PCDHA3: variants seen among roughly 807,000 people sequenced by gnomAD.
The protein encoded by PCDHA3 is protocadherin alpha-3.
Under a neutral mutation model 62.2 loss-of-function variants are expected in PCDHA3, and 41 were observed. That is an observed-to-expected ratio of 0.66 (90% CI 0.51 to 0.86). The LOEUF (loss-of-function observed/expected upper bound fraction) is 0.86, where lower values mean the gene tolerates loss of function less well. PCDHA3 is among the 40% of genes least tolerant of loss of function. The probability of loss-of-function intolerance (pLI) is 0.00; values close to 1 mark genes in which losing one functional copy is unlikely to be tolerated. For synonymous variants in PCDHA3, 640 were observed against 555.4 expected (o/e 1.15, Z -2.14); for missense variants, 1,304 against 1,241.2 (o/e 1.05, Z -0.76).
chr5:140,828,869 A>T, intron 1 of PCDHA3: 1 of 1,614,256 alleles, frequency 6.2e-7, no homozygotes, highest in Non-Finnish European at 8.5e-7. Flanking sequence ...CAACGGAACA[A>T]CAGTTATCAG....
chr5:140,862,447 G>C, intron 1 of PCDHA3: 1 of 362,296 alleles, frequency 2.8e-6, no homozygotes, highest in Non-Finnish European at 5.5e-6. Flanking sequence ...GTACTCCACA[G>C]CGCCCTGGAC....
intron 1 of PCDHA3, chr5:140,850,332 C>T (rs1349532162): frequency 1.3e-6 from 2 of 1,597,432 alleles, no homozygotes; most frequent in Admixed American, 1.7e-5. Context: ...CGAGCTGCAG[C>T]CAGAAACGGC....
chr5:140,809,344 C>T, intron 1 of PCDHA3: 1 of 1,614,082 alleles, frequency 6.2e-7, no homozygotes, highest in Non-Finnish European at 8.5e-7. Context: ...TGCTGTACAC[C>T]GCGCTGCGGT....
At chr5:140,823,217 C>T (rs1554129201) in intron 1 of PCDHA3, 1 of 1,613,776 alleles carries the variant, frequency 6.2e-7, no homozygotes, top group Non-Finnish European at 8.5e-7. Flanking sequence ...GCACGGGACG[C>T]GGACGCGCAG....
chr5:141,010,226 C>G lies in PCDHA3; in HGVS notation c.*289C>G, dbSNP rs1386050566. The G allele has an allele frequency of 1.3e-6, 2 of 1,551,706 alleles. No individual in the cohort carries two copies. Among genetic ancestry groups the G allele is most frequent in the Non-Finnish European group, 1.7e-6 (2 of 1,147,032 alleles). ...CGCCGCAAAGGAGAGGCTTCCCAGC[C>G]CCGCCAGTGAGAGGTTGGACTCTCT... On this transcript the variant is annotated 3_prime_UTR_variant, in exon 4 of 4. Coordinates refer to ENST00000522353, the MANE Select transcript of PCDHA3 (RefSeq NM_018906.3).
intron 1 of PCDHA3, among the ~76,000 whole-genome samples, chr5:140,971,325 T>C (rs1273585971): frequency 3.9e-5 from 6 of 152,190 alleles, no homozygotes; most frequent in African/African-American, 1.4e-4. Context: ...AGGGAGAAAA[T>C]TATTTCAGAA....
intron 3 of PCDHA3, among the ~76,000 whole-genome samples, chr5:140,985,992 G>A (rs1173402846): frequency 3.3e-5 from 5 of 152,068 alleles, no homozygotes; most frequent in African/African-American, 4.8e-5. Context: ...GCCCACCTCA[G>A]CCTCCCAAAG....
Position 140,802,873 on chromosome 5 carries a change from A to G in PCDHA3, c.1676A>G (p.Asn559Ser), listed in dbSNP as rs1554122424. The change falls in exon 1 of 4, where the codon AAC becomes AGC. Residue 559 changes from asparagine (N) to serine (S), a missense_variant. By Grantham distance (46) the Asn-to-Ser change is conservative. Coordinates refer to ENST00000522353, the MANE Select transcript of PCDHA3 (RefSeq NM_018906.3). ...CTGCAGGTGTTCGTGCTGGACGAGA[A>G]CGACAACGCGCCGGCACTGCTGATG... ...VTLQVFVLDE[N>S]DNAPALLMPR... 7.4e-6 allele frequency: 12 copies of G among 1,613,654 alleles called. No individual in the cohort carries two copies. Among genetic ancestry groups the G allele is most frequent in the Non-Finnish European group, 8.5e-7 (1 of 1,179,916 alleles).
Position 140,801,685 on chromosome 5 carries a change from G to C in PCDHA3, c.488G>C (p.Gly163Ala). 1 of 1,614,202 alleles carries C rather than the reference G, an allele frequency of 6.2e-7. No homozygotes were observed. The highest frequency in any genetic ancestry group is 8.5e-7 in the Non-Finnish European group (1 of 1,180,040). ...GAGGGCGCATCAGATGCAGATATCG[G>C]AACAAATTCGTTGTTGACTTACAGT... ...SLEGASDADI[G>A]TNSLLTYSLD... The change falls in exon 1 of 4, where the codon GGA becomes GCA. Residue 163 changes from glycine to alanine, a missense_variant. Transcript: ENST00000522353.
intron 1 of PCDHA3, among the ~76,000 whole-genome samples, chr5:140,840,645 G>A (rs1346934445): frequency 2.6e-5 from 4 of 152,068 alleles, no homozygotes; most frequent in Middle Eastern, 3.4e-3. Context: ...TAGAGAAATA[G>A]TGTAAAGAAT....
chr5:140,988,411 A>G (rs2097296392), intron 3 of PCDHA3, among the ~76,000 whole-genome samples: 1 of 152,144 alleles, frequency 6.6e-6, no homozygotes, highest in South Asian at 2.1e-4. Context: ...TTCGCAGCTT[A>G]TGTAAAGAAT....
chr5:140,845,591 A>G (rs1416942970), intron 1 of PCDHA3, among the ~76,000 whole-genome samples: 2 of 149,444 alleles, frequency 1.3e-5, no homozygotes, highest in African/African-American at 4.9e-5. Context: ...AATGTGTCAG[A>G]AGTTAGTTAT....
At position 140,807,822 on chromosome 5, in the gene PCDHA3, T is replaced by C. The variant is rs781816070; in HGVS notation, c.2394+4231T>C. On this transcript the variant is annotated intron_variant, in intron 1 of 3. Transcript: ENST00000522353. ...GAAGCTCCGGAGATTTTTTTAGTGC[T>C]CACAGCCACTGATGGAGGCAAACCC... is the stretch of plus-strand genomic sequence containing the variant. The C allele has an allele frequency of 7.4e-6, 12 of 1,614,038 alleles. No individual in the cohort carries two copies. The East Asian group carries it at 2.7e-4, about 36-fold the overall frequency.
In PCDHA3 at chr5:141,010,181, C is replaced by G; in HGVS notation, c.*244C>G. The G allele has an allele frequency of 2.6e-6, 4 of 1,554,386 alleles. No individual in the cohort carries two copies. Among genetic ancestry groups the G allele is most frequent in the Non-Finnish European group, 3.5e-6 (4 of 1,148,120 alleles). On this transcript the variant is annotated 3_prime_UTR_variant, in exon 4 of 4. Transcript: ENST00000522353. ...TTGTTTTCAGAACCTAAAAAGCAGA[C>G]CCAAGTTTCCTTTCTCCTCCGCCGC... is the stretch of plus-strand genomic sequence containing the variant.
chr5:140,830,166 C>A, intron 1 of PCDHA3: 1 of 1,613,518 alleles, frequency 6.2e-7, no homozygotes, highest in Non-Finnish European at 8.5e-7. Context: ...CCAGAGGCGG[C>A]GCTGGTGGAT....
At chr5:141,009,488 C>T (rs2098409682) in intron 3 of PCDHA3, 139 bp from the exon 4 acceptor site, 4 of 1,469,622 alleles carry the variant, frequency 2.7e-6, no homozygotes, top group Non-Finnish European at 3.6e-6. Context: ...CTTGCCTTGC[C>T]CTCAGACTTG....
intron 1 of PCDHA3, among the ~76,000 whole-genome samples, chr5:140,976,972 C>T (rs969505831): frequency 2.6e-5 from 4 of 152,182 alleles, no homozygotes; most frequent in Non-Finnish European, 5.9e-5. Flanking sequence ...TTCCTTTTCC[C>T]TGCCTGATCT....
Position 140,946,631 on chromosome 5 carries a change from T to TATATATATATATATACAC in PCDHA3, c.2395-32317_2395-32316insTATATATATATATACACA, listed in dbSNP as rs57893927. 8.0e-4 allele frequency among the ~76,000 whole-genome samples: 106 copies of TATATATATATATATACAC among 131,838 alleles called. 2 individuals carry two copies. The East Asian group carries it at 0.018, about 23-fold the overall frequency. 86.5% of individuals were successfully genotyped at this position (131,838 alleles called of 152,430 possible). A position where few individuals can be genotyped will look rare whatever the true frequency, so the allele number is the denominator to read the frequency against. On this transcript the variant is annotated intron_variant, in intron 1 of 3. Transcript: ENST00000522353. ...TGTGAAATATATATATATATATATA[T>TATATATATATATATACAC]ACAATGGAATACTCATCAGCCATTA...
chr5:140,993,033 T>C (rs1315226376), intron 3 of PCDHA3, among the ~76,000 whole-genome samples: 2 of 152,158 alleles, frequency 1.3e-5, no homozygotes, highest in African/African-American at 4.8e-5. Context: ...GTGGGCTCCG[T>C]GTGTCATCAA....
Sources: gnomAD v4.1 joint callset for allele counts (sites outside exome capture counted in the v4.1 genomes callset) on GRCh38, gnomAD v4.1.1 for gene constraint, MANE v1.5 for transcripts, NCBI Gene and HGNC (gene_info 2026-07-23, HGNC 2026-07-21) for gene names.